KIF26B: variants seen among roughly 807,000 people sequenced by gnomAD.
The protein encoded by KIF26B is kinesin-like protein KIF26B.
Under a neutral mutation model 151.2 loss-of-function variants are expected in KIF26B, and 63 were observed. That is an observed-to-expected ratio of 0.42 (90% CI 0.34 to 0.51). KIF26B has a LOEUF of 0.51. KIF26B is among the 20% of genes least tolerant of loss of function. KIF26B has a pLI of 0.07. For synonymous variants in KIF26B, 1,357 were observed against 1,262.1 expected (o/e 1.08, Z -1.59); for missense variants, 2,813 against 2,913.6 (o/e 0.97, Z 0.79).
intron 2 of KIF26B, among the ~76,000 whole-genome samples, chr1:245,179,612 G>A (rs1463756835): frequency 1.3e-5 from 2 of 151,478 alleles, no homozygotes; most frequent in Non-Finnish European, 2.9e-5. Flanking sequence ...GCGACAGAGC[G>A]AGACTCCGAC....
At chr1:245,346,609 T>G (rs960168352) in intron 2 of KIF26B, among the ~76,000 whole-genome samples, 1 of 152,216 alleles carries the variant, frequency 6.6e-6, no homozygotes, top group Admixed American at 6.5e-5. Flanking sequence ...CTCTGGCTTC[T>G]CAGGTCCTTA....
intron 4 of KIF26B, among the ~76,000 whole-genome samples, chr1:245,474,387 C>T (rs534692260): frequency 4.0e-5 from 6 of 150,736 alleles, no homozygotes; most frequent in South Asian, 2.1e-4. Flanking sequence ...GGATTACAGG[C>T]GTGAGCCACT....
At chr1:245,199,285 A>T (rs1010355988) in intron 2 of KIF26B, among the ~76,000 whole-genome samples, 1 of 151,944 alleles carries the variant, frequency 6.6e-6, no homozygotes, top group South Asian at 2.1e-4. Flanking sequence ...AATACACGCA[A>T]GTGTGCACAT....
intron 5 of KIF26B, among the ~76,000 whole-genome samples, chr1:245,566,684 C>G (rs2043013928): frequency 6.6e-6 from 1 of 152,198 alleles, no homozygotes; most frequent in Non-Finnish European, 1.5e-5. Context: ...AATCCCAGCA[C>G]TTTGGGAGGC....
intron 2 of KIF26B, among the ~76,000 whole-genome samples, chr1:245,267,107 A>G (rs575302877): frequency 1.3e-5 from 2 of 152,344 alleles, no homozygotes; most frequent in East Asian, 3.9e-4. Context: ...AGCTCCTGCT[A>G]TATGCATTTC....
chr1:245,639,989 A>ATAGTTTAAT (rs2043871322), intron 9 of KIF26B, among the ~76,000 whole-genome samples: 1 of 150,930 alleles, frequency 6.6e-6, no homozygotes, highest in Non-Finnish European at 1.5e-5. Flanking sequence ...GGTCTAGAGT[A>ATAGTTTAAT]TAGTTTAATT....
chr1:245,406,174 C>T (rs1209000407), intron 3 of KIF26B, among the ~76,000 whole-genome samples: 4 of 150,530 alleles, frequency 2.7e-5, no homozygotes, highest in Non-Finnish European at 5.9e-5. Flanking sequence ...CAGTCTCACA[C>T]GTTCCCCACT....
intron 14 of KIF26B, among the ~76,000 whole-genome samples, 175 bp downstream of exon 14, chr1:245,699,212 C>T (rs552307144): frequency 9.7e-4 from 144 of 149,126 alleles, no homozygotes; most frequent in South Asian, 1.8e-3. Flanking sequence ...TGGGGATGGG[C>T]GGGAGGGGCC....
At chr1:245,543,276 G>A (rs1030707222) in intron 5 of KIF26B, among the ~76,000 whole-genome samples, 2 of 152,312 alleles carry the variant, frequency 1.3e-5, no homozygotes, top group South Asian at 4.1e-4. Flanking sequence ...ATAGTTTAGA[G>A]GGCAAAGGAC....
intron 2 of KIF26B, among the ~76,000 whole-genome samples, chr1:245,319,354 G>A (rs994240450): frequency 6.6e-6 from 1 of 152,192 alleles, no homozygotes; most frequent in African/African-American, 2.4e-5. Context: ...GCCACTTCTT[G>A]CTCAGCATTT....
chr1:245,504,985 C>T (rs1338397246), intron 4 of KIF26B, among the ~76,000 whole-genome samples: 2 of 152,196 alleles, frequency 1.3e-5, no homozygotes, highest in Non-Finnish European at 1.5e-5. Flanking sequence ...GTCACCCAGG[C>T]TGGAGTGCAA....
At chr1:245,365,519 C>CG (rs1672926583) in intron 2 of KIF26B, among the ~76,000 whole-genome samples, 1 of 148,936 alleles carries the variant, frequency 6.7e-6, no homozygotes, top group African/African-American at 2.6e-5. Flanking sequence ...CAACTCCCCC[C>CG]CACCAGCCTA....
intron 4 of KIF26B, among the ~76,000 whole-genome samples, chr1:245,464,751 A>C (rs1659741079): frequency 1.3e-5 from 2 of 152,088 alleles, no homozygotes; most frequent in Non-Finnish European, 2.9e-5. Flanking sequence ...TTGTGGTACC[A>C]GAGTCCAGAA....
chr1:245,175,779 T>C (rs2103524750), intron 2 of KIF26B, among the ~76,000 whole-genome samples: 1 of 152,186 alleles, frequency 6.6e-6, no homozygotes, highest in South Asian at 2.1e-4. Context: ...TTCTAATTGT[T>C]TTCTCTTCTT....
intron 10 of KIF26B, 45 bp downstream of exon 10, chr1:245,646,325 T>C: frequency 6.3e-7 from 1 of 1,595,502 alleles, no homozygotes; most frequent in Admixed American, 1.7e-5. Context: ...GTAAGCATGG[T>C]GTGGGACGCT....
chr1:245,423,358 A>G (rs1658539483), intron 4 of KIF26B, among the ~76,000 whole-genome samples: 1 of 152,132 alleles, frequency 6.6e-6, no homozygotes, highest in Non-Finnish European at 1.5e-5. Flanking sequence ...TGAGTTACTG[A>G]CCCAGAGCCA....
chr1:245,278,507 G>C (rs1016389173), intron 2 of KIF26B, among the ~76,000 whole-genome samples: 3 of 152,192 alleles, frequency 2.0e-5, no homozygotes, highest in Non-Finnish European at 4.4e-5. Context: ...TTTTGGGCAT[G>C]AACAGTTCCT....
chr1:245,245,227 C>G (rs114555043), intron 2 of KIF26B, among the ~76,000 whole-genome samples: 42 of 152,292 alleles, frequency 2.8e-4, no homozygotes, highest in Admixed American at 5.9e-4. Context: ...TGGCCTTTGT[C>G]CCTGATGCCT....
chr1:245,310,412 A>G (rs1671643910), intron 2 of KIF26B, among the ~76,000 whole-genome samples: 1 of 152,180 alleles, frequency 6.6e-6, no homozygotes, highest in Non-Finnish European at 1.5e-5. Context: ...CACTAATAAC[A>G]TTTATGGCAT....
Sources: gnomAD v4.1 joint callset for allele counts (sites outside exome capture counted in the v4.1 genomes callset) on GRCh38, gnomAD v4.1.1 for gene constraint, MANE v1.5 for transcripts, NCBI Gene and HGNC (gene_info 2026-07-23, HGNC 2026-07-21) for gene names.